Variants in DOCK8 observed in about 807,000 individuals in gnomAD.
DOCK8 encodes dedicator of cytokinesis 8, also known as dedicator of cytokinesis protein 8.
Under a neutral mutation model 245.6 loss-of-function variants are expected in DOCK8, and 141 were observed. That is an observed-to-expected ratio of 0.57 (90% CI 0.50 to 0.66). DOCK8 has a LOEUF of 0.66. Among genes scored for constraint, DOCK8 ranks in the 30% least tolerant of loss-of-function variants. The pLI, the probability that DOCK8 is intolerant of heterozygous loss-of-function variation, is 0.00. For missense variants in DOCK8, 2,965 were observed against 2,603.4 expected, an observed-to-expected ratio of 1.14 and a Z score of -3.02; for synonymous variants, 1,168 against 970.2, an observed-to-expected ratio of 1.20 and a Z score of -3.79.
At chr9:399,979 TCACCACCTCC>T (rs1318255137) in intron 26 of DOCK8, among the ~76,000 whole-genome samples, 1 of 139,624 alleles carries the variant, frequency 7.2e-6, no homozygotes, top group African/African-American at 2.8e-5. Context: ...TTCTCCACCA[TCACCACCTCC>T]CACCACCTCC....
chr9:453,025 TATAAGA>T (rs1445446277), intron 46 of DOCK8: 1 of 152,222 alleles, frequency 6.6e-6, no homozygotes, highest in African/African-American at 2.4e-5. Context: ...GAATATTAAG[TATAAGA>T]ATATCTTCAC....
intron 15 of DOCK8, chr9:369,041 GC>G (rs1163228433): frequency 6.6e-6 from 1 of 151,746 alleles, no homozygotes; most frequent in African/African-American, 2.4e-5. Context: ...CCTGACCTCA[GC>G]TGATCCACCC....
intron 4 of DOCK8, among the ~76,000 whole-genome samples, chr9:294,598 C>T (rs1321277905): frequency 2.6e-5 from 4 of 152,166 alleles, no homozygotes; most frequent in African/African-American, 9.7e-5. Context: ...ACCATACAAC[C>T]GTAAGTCCCA....
Position 325,731 on chromosome 9 carries a change from G to C in DOCK8, c.888G>C (p.Arg296Ser). The C allele has an allele frequency of 6.2e-7, 1 of 1,613,726 alleles. No homozygotes were observed. The highest frequency in any genetic ancestry group is 8.5e-7 in the Non-Finnish European group (1 of 1,179,700). The change falls in exon 8 of 48, where the codon AGG becomes AGC. Residue 296 changes from arginine (R) to serine (S), a missense_variant. This residue lies in a region of DOCK8 where 2,825 missense variants were observed against 2,453.5 expected (regional missense o/e 1.15). Coordinates refer to ENST00000432829, the MANE Select transcript of DOCK8 (RefSeq NM_203447.4). ...TTGCCCTCTACGATGTTAAAGAAAGGAAAAAGGTAAGAAAGCAAAGAAAAA... is the reference window on the plus strand; with the variant it reads ...TTGCCCTCTACGATGTTAAAGAAAGCAAAAAGGTAAGAAAGCAAAGAAAAA... ...ASIALYDVKE[R>S]KKISENFHCD...
In DOCK8 at chr9:463,555, C is replaced by G. The variant is rs767198480; in HGVS notation, c.6107C>G (p.Thr2036Arg). The change falls in exon 47 of 48, where the codon ACG becomes AGG. Residue 2036 changes from threonine to arginine, a missense_variant. Coordinates refer to ENST00000432829, the MANE Select transcript of DOCK8 (RefSeq NM_203447.4). The stretch of plus-strand genomic sequence containing the variant: ...GTAGAGAAAAACAAGCGTCTCATCA[C>G]GGCAGACCAGAGGGAATATCAGCAG... ...EAVEKNKRLITADQREYQQEL... is the reference protein window; with the variant it reads ...EAVEKNKRLIRADQREYQQEL... 1 of 1,614,176 alleles carries G rather than the reference C, an allele frequency of 6.2e-7. No individual in the cohort carries two copies. Among genetic ancestry groups the G allele is most frequent in the Non-Finnish European group, 8.5e-7 (1 of 1,180,028 alleles).
rs746570782 is a variant in DOCK8 at position 400,238 on chromosome 9, CCACCACCTCCACCAT to C, written c.3234+987_3234+1001del. Among the ~76,000 whole-genome samples the C allele has an allele frequency of 1.5e-3, 157 of 102,306 alleles. 2 individuals are homozygous for C. Among genetic ancestry groups the C allele is most frequent in the East Asian group, 2.5e-3 (8 of 3,190 alleles). The allele number at this position is 102,306 out of a possible 152,430, so 67.1% of individuals were successfully genotyped here. On this transcript the variant is annotated intron_variant, in intron 26 of 47. Transcript: ENST00000432829. ...ACTATCACCACCACCTCCACCATCA[CCACCACCTCCACCAT>C]CACCACCACCTCCACCATCACCACC...
In DOCK8 at chr9:437,888, C is replaced by T. The variant is rs190759280; in HGVS notation, c.5080-1357C>T. On this transcript the variant is annotated intron_variant, in intron 39 of 47. Coordinates refer to ENST00000432829, the MANE Select transcript of DOCK8 (RefSeq NM_203447.4). ...CCAAGAAAGTCTGCAGAATCCTTTTCCTCTGACTACAGCTAATGAGGCTAC... is the reference window on the plus strand; with the variant it reads ...CCAAGAAAGTCTGCAGAATCCTTTTTCTCTGACTACAGCTAATGAGGCTAC... Among the ~76,000 whole-genome samples the T allele has an allele frequency of 3.7e-3, 566 of 152,322 alleles. 1 individual carries two copies. The highest frequency in any genetic ancestry group is 5.8e-3 in the Admixed American group (88 of 15,300).
At chr9:383,361 C>T (rs1339469022) in intron 22 of DOCK8, among the ~76,000 whole-genome samples, 4 of 151,980 alleles carry the variant, frequency 2.6e-5, no homozygotes, top group East Asian at 1.9e-4. Flanking sequence ...GGTGAAACCC[C>T]GTCTCTACTA....
chr9:229,100 A>G (rs1587621374), intron 1 of DOCK8, among the ~76,000 whole-genome samples: 6 of 152,336 alleles, frequency 3.9e-5, no homozygotes, highest in Admixed American at 3.9e-4. Flanking sequence ...GGTTAATGCA[A>G]GTCATAAGGC....
chr9:243,898 G>C (rs2047439043), intron 1 of DOCK8, among the ~76,000 whole-genome samples: 1 of 151,904 alleles, frequency 6.6e-6, no homozygotes, highest in African/African-American at 2.4e-5. Context: ...TTTAATGTCA[G>C]CTCTCGCCGG....
chr9:236,767 A>C (rs911524271), intron 1 of DOCK8, among the ~76,000 whole-genome samples: 1 of 152,210 alleles, frequency 6.6e-6, no homozygotes, highest in African/African-American at 2.4e-5. Flanking sequence ...GTTCTCCTCC[A>C]AGCAGTGACT....
At chr9:285,238 A>G (rs2048769331) in intron 2 of DOCK8, among the ~76,000 whole-genome samples, 1 of 152,088 alleles carries the variant, frequency 6.6e-6, no homozygotes. Flanking sequence ...CCACATCTCC[A>G]TTCTCTGATC....
At chr9:311,229 G>A (rs1256356140) in intron 5 of DOCK8, among the ~76,000 whole-genome samples, 1 of 151,616 alleles carries the variant, frequency 6.6e-6, no homozygotes, top group Non-Finnish European at 1.5e-5. Flanking sequence ...AGGTTGCAGT[G>A]AGCTGAGATG....
At position 432,278 on chromosome 9, in the gene DOCK8, A is replaced by T; in HGVS notation, c.4739A>T (p.Tyr1580Phe). Residue 1580 changes from tyrosine (Y) to phenylalanine (F), a missense_variant, in exon 37 of 48, where the codon TAT becomes TTT. By Grantham distance (22) the Tyr-to-Phe change is conservative. This residue lies in a region of DOCK8 where 2,825 missense variants were observed against 2,453.5 expected (regional missense o/e 1.15). Coordinates refer to ENST00000432829, the MANE Select transcript of DOCK8 (RefSeq NM_203447.4). The stretch of plus-strand genomic sequence containing the variant: ...AGATCCTTGAGGACAATTTTGGCCT[A>T]TTCAGAAGAGGACACAGCCATGCAG... ...LRRSLRTILA[Y>F]SEEDTAMQMT... 1 of 1,614,116 alleles carries T rather than the reference A, an allele frequency of 6.2e-7. No individual in the cohort carries two copies. Among genetic ancestry groups the T allele is most frequent in the Non-Finnish European group, 8.5e-7 (1 of 1,180,014 alleles).
chr9:304,204 T>C (rs549505286), intron 4 of DOCK8, among the ~76,000 whole-genome samples: 1 of 152,372 alleles, frequency 6.6e-6, no homozygotes, highest in South Asian at 2.1e-4. Flanking sequence ...TCTATTTTTA[T>C]CTTCAAACGA....
chr9:248,475 T>C (rs2047563286), intron 1 of DOCK8, among the ~76,000 whole-genome samples: 1 of 150,464 alleles, frequency 6.6e-6, no homozygotes. Context: ...CCTCCCTCCC[T>C]CCTCTCTCCT....
Position 214,918 on chromosome 9 carries a change from G to A in DOCK8, c.-59G>A, listed in dbSNP as rs1314113563. The A allele has an allele frequency of 5.0e-6, 8 of 1,603,904 alleles. No individual in the cohort carries two copies. Among genetic ancestry groups the A allele is most frequent in the South Asian group, 2.2e-5 (2 of 89,802 alleles). On this transcript the variant is annotated 5_prime_UTR_variant, in exon 1 of 48. Coordinates refer to ENST00000432829, the MANE Select transcript of DOCK8 (RefSeq NM_203447.4). ...ATGTTCCGCGGCTACTCTGCGGCGC[G>A]CCAGGCCCCCGCTTTCCGCACCCCG...
intron 22 of DOCK8, 135 bp from the exon 23 acceptor site, chr9:386,196 A>C: frequency 1.4e-6 from 1 of 720,306 alleles, no homozygotes; most frequent in East Asian, 2.9e-5. Flanking sequence ...ATATTTACTT[A>C]TGGCAATTGT....
intron 7 of DOCK8, among the ~76,000 whole-genome samples, chr9:323,251 T>C (rs1303505067): frequency 1.7e-5 from 2 of 119,976 alleles, no homozygotes; most frequent in Non-Finnish European, 3.3e-5. Flanking sequence ...TGAGACAGAG[T>C]CTCACTCTAT....
Sources: allele counts gnomAD v4.1 joint callset (sites outside exome capture counted in the v4.1 genomes callset), GRCh38; gene constraint gnomAD v4.1.1; regional missense constraint gnomAD v4.1.1; transcripts MANE v1.5; gene names NCBI Gene and HGNC (gene_info 2026-07-23, HGNC 2026-07-21).